Variants in BMPR2 observed in about 807,000 individuals in gnomAD.
The protein encoded by BMPR2 is bone morphogenetic protein receptor type-2.
In BMPR2, 29 loss-of-function variants were observed where a neutral mutation model predicts 100.8. The ratio of observed to expected loss-of-function variants is 0.29; its 90% CI spans 0.21 to 0.39. BMPR2 has a LOEUF of 0.39. BMPR2 is among the 10% of genes least tolerant of loss of function. BMPR2 has a pLI of 1.00. For synonymous variants in BMPR2, 382 were observed against 442.3 expected (o/e 0.86, Z 1.71); for missense variants, 1,011 against 1,274.5 (o/e 0.79, Z 3.15).
At chr2:202,403,085 C>G (rs1574429508) in intron 1 of BMPR2, among the ~76,000 whole-genome samples, 1 of 152,042 alleles carries the variant, frequency 6.6e-6, no homozygotes, top group Admixed American at 6.6e-5. Context: ...TCCTCGGCCT[C>G]CCAAAGTGCC....
At chr2:202,399,412 G>C (rs942205638) in intron 1 of BMPR2, among the ~76,000 whole-genome samples, 3 of 152,192 alleles carry the variant, frequency 2.0e-5, no homozygotes, top group African/African-American at 7.2e-5. Flanking sequence ...AAAGGAGCTT[G>C]TTGTGGCTCG....
chr2:202,468,637 A>G (rs941172536), intron 3 of BMPR2, among the ~76,000 whole-genome samples: 2 of 152,224 alleles, frequency 1.3e-5, no homozygotes, highest in African/African-American at 4.8e-5. Context: ...TGTTTACTGC[A>G]GTGTTATTTG....
intron 1 of BMPR2, among the ~76,000 whole-genome samples, chr2:202,424,139 C>T (rs556605121): frequency 4.6e-5 from 7 of 150,686 alleles, no homozygotes; most frequent in Admixed American, 1.3e-4. Context: ...TTTGAGAGGC[C>T]GAGGCGGGCA....
chr2:202,481,906 C>T (rs926731191), intron 3 of BMPR2, among the ~76,000 whole-genome samples: 1 of 152,120 alleles, frequency 6.6e-6, no homozygotes, highest in Admixed American at 6.5e-5. Flanking sequence ...AGTATAGTTC[C>T]TATTGTCGTA....
At chr2:202,537,281 C>T (rs1001846457) in intron 9 of BMPR2, among the ~76,000 whole-genome samples, 11 of 152,124 alleles carry the variant, frequency 7.2e-5, no homozygotes, top group African/African-American at 1.2e-4. Flanking sequence ...GTTTTAGAAG[C>T]ATGTCTGACT....
At chr2:202,449,058 C>T (rs1691919547) in intron 1 of BMPR2, among the ~76,000 whole-genome samples, 1 of 151,486 alleles carries the variant, frequency 6.6e-6, no homozygotes, top group African/African-American at 2.4e-5. Flanking sequence ...CAGCTCACAC[C>T]TGTAATCCCA....
intron 1 of BMPR2, among the ~76,000 whole-genome samples, chr2:202,436,928 T>C (rs1691626097): frequency 6.6e-6 from 1 of 150,708 alleles, no homozygotes; most frequent in South Asian, 2.1e-4. Flanking sequence ...TCTCTTTTTT[T>C]CCTTATTTCC....
At chr2:202,522,229 C>T (rs564258537) in intron 7 of BMPR2, among the ~76,000 whole-genome samples, 29 of 151,972 alleles carry the variant, frequency 1.9e-4, no homozygotes, top group East Asian at 3.9e-4. Flanking sequence ...AATTCTTGGC[C>T]GGGCACGGTG....
intron 1 of BMPR2, among the ~76,000 whole-genome samples, chr2:202,452,208 AG>A (rs1264857797): frequency 5.3e-5 from 8 of 152,122 alleles, no homozygotes; most frequent in Non-Finnish European, 1.2e-4. Context: ...GATCTGCTTT[AG>A]ATTACTTTGT....
chr2:202,457,190 A>G (rs1692127767), intron 1 of BMPR2, among the ~76,000 whole-genome samples: 1 of 152,150 alleles, frequency 6.6e-6, no homozygotes, highest in South Asian at 2.1e-4. Context: ...TTAGCATCTG[A>G]TCCAAAACAA....
At chr2:202,390,584 G>A (rs965603922) in intron 1 of BMPR2, among the ~76,000 whole-genome samples, 4 of 151,962 alleles carry the variant, frequency 2.6e-5, no homozygotes, top group Non-Finnish European at 5.9e-5. Context: ...CACATGCCTC[G>A]GCCTCCCAAA....
chr2:202,445,250 C>T (rs1691827793), intron 1 of BMPR2, among the ~76,000 whole-genome samples: 1 of 150,056 alleles, frequency 6.7e-6, no homozygotes, highest in East Asian at 1.9e-4. Flanking sequence ...ATATTTAAGA[C>T]AGAGTCTCCC....
intron 6 of BMPR2, among the ~76,000 whole-genome samples, chr2:202,519,375 A>T (rs1687780537): frequency 6.6e-6 from 1 of 152,210 alleles, no homozygotes; most frequent in African/African-American, 2.4e-5. Flanking sequence ...AAAATAAAAA[A>T]AAATAAACTG....
rs566257230 is a variant in BMPR2, at chr2:202,538,486, A to C, written c.1277-3825A>C. Among the ~76,000 whole-genome samples, 20 of 150,592 alleles carry C rather than the reference A, an allele frequency of 1.3e-4. 1 individual carries two copies. Among genetic ancestry groups the C allele is most frequent in the African/African-American group, 4.4e-4 (18 of 40,972 alleles). The stretch of plus-strand genomic sequence containing the variant: ...AGAAAAAAAAGAAGGAACTATTCAG[A>C]GGTCTTAAAACACAGTGAGGGTGGG... On this transcript the variant is annotated intron_variant, in intron 9 of 12. Transcript: ENST00000374580.
chr2:202,517,824 T>A (rs1036780449), intron 5 of BMPR2, among the ~76,000 whole-genome samples: 3 of 151,138 alleles, frequency 2.0e-5, no homozygotes, highest in Non-Finnish European at 3.0e-5. Context: ...TTCTTTTTTT[T>A]TTTTTTGAGA....
In BMPR2 at chr2:202,393,882, CGAGAGAGAGAGAGAGAGAGAGA is replaced by C. The variant is rs56708616; in HGVS notation, c.76+16363_76+16384del. ...GCATCTAATTAAGGTAATGAGAGAG[CGAGAGAGAGAGAGAGAGAGAGA>C]GAGAGAGAGAGAGAGAGAGAGAGAG... On this transcript the variant is annotated intron_variant, in intron 1 of 12. Coordinates refer to ENST00000374580, the MANE Select transcript of BMPR2 (RefSeq NM_001204.7). 7.4e-3 allele frequency among the ~76,000 whole-genome samples: 725 copies of C among 97,920 alleles called. 5 individuals carry two copies. Among genetic ancestry groups the C allele is most frequent in the African/African-American group, 0.021 (577 of 28,040 alleles). The allele number at this position is 97,920 out of a possible 152,430, so 64.2% of individuals were successfully genotyped here.
At position 202,442,033 on chromosome 2, in the gene BMPR2, C is replaced by CT. The variant is rs1252085837; in HGVS notation, c.77-22775dup. ...GGGGGACAAGAGCGAGACTTTGTCT[C>CT]TCAAAAAAAAAAAAATTATAAAATG... On this transcript the variant is annotated intron_variant, in intron 1 of 12. Coordinates refer to ENST00000374580, the MANE Select transcript of BMPR2 (RefSeq NM_001204.7). Among the ~76,000 whole-genome samples the CT allele has an allele frequency of 8.2e-5, 12 of 146,904 alleles. 1 individual carries two copies. Among genetic ancestry groups the CT allele is most frequent in the African/African-American group, 1.6e-4 (6 of 38,174 alleles).
At chr2:202,474,016 A>G (rs1268108362) in intron 3 of BMPR2, among the ~76,000 whole-genome samples, 1 of 150,752 alleles carries the variant, frequency 6.6e-6, no homozygotes, top group Non-Finnish European at 1.5e-5. Context: ...GAGGCAGAAG[A>G]ATTCCTTGAA....
chr2:202,394,118 G>C (rs1016099944), intron 1 of BMPR2, among the ~76,000 whole-genome samples: 7 of 152,108 alleles, frequency 4.6e-5, no homozygotes, highest in African/African-American at 1.7e-4. Context: ...GGGAGGATGA[G>C]GCAGGTGGAT....
Sources: gnomAD v4.1 joint callset for allele counts (sites outside exome capture counted in the v4.1 genomes callset) on GRCh38, gnomAD v4.1.1 for gene constraint, MANE v1.5 for transcripts, NCBI Gene and HGNC (gene_info 2026-07-23, HGNC 2026-07-21) for gene names.